Variants in LDB3 observed in about 807,000 individuals in gnomAD.
LDB3 encodes LIM domain binding 3.
A neutral mutation model predicts 69.0 loss-of-function variants in LDB3; 49 were observed. That is an observed-to-expected ratio of 0.71 (90% confidence interval 0.56 to 0.90). The LOEUF is 0.90. Among genes scored for constraint, LDB3 ranks in the 40% least tolerant of loss-of-function variants. LDB3 has a pLI of 0.00. For missense variants in LDB3, 928 were observed against 974.1 expected (o/e 0.95, Z 0.63); for synonymous variants, 387 against 396.2 (o/e 0.98, Z 0.28).
chr10:86,714,118 A>G (rs1043195198), intron 9 of LDB3, among the ~76,000 whole-genome samples: 6 of 152,174 alleles, frequency 3.9e-5, no homozygotes, highest in Non-Finnish European at 7.4e-5. Flanking sequence ...ACCTTCCCTT[A>G]ATCCTCATAA....
chr10:86,709,820 G>T, intron 8 of LDB3, 85 bp from the exon 9 acceptor site: 1 of 1,493,156 alleles, frequency 6.7e-7, no homozygotes, highest in South Asian at 1.1e-5. Flanking sequence ...AGAGGCTTCT[G>T]AAGACCTGGG....
At chr10:86,695,701 C>G (rs754554076) in intron 7 of LDB3, among the ~76,000 whole-genome samples, 1 of 152,228 alleles carries the variant, frequency 6.6e-6, no homozygotes, top group African/African-American at 2.4e-5. Context: ...CCTCTAATCT[C>G]AGAGTCATCG....
intron 9 of LDB3, chr10:86,710,361 A>G (rs989998315): frequency 5.5e-5 from 36 of 656,216 alleles, no homozygotes; most frequent in Non-Finnish European, 6.8e-5. Context: ...AGGCTGGGGC[A>G]GGAGGATCGC....
rs748760391 is a variant in LDB3 at position 86,716,609 on chromosome 10, G to C, written c.1514G>C (p.Ser505Thr). 1 of 1,613,896 alleles carries C rather than the reference G, an allele frequency of 6.2e-7. No individual in the cohort carries two copies. ...TCCCAGAAGTTTGCCCCGGGCAAGA[G>C]CACCACCTCCATCAGCAAGCAGACC... ...SFSQKFAPGK[S>T]TTSISKQTLP... The change falls in exon 10 of 14, where the codon AGC (serine) becomes ACC (threonine). Residue 505 changes from serine to threonine, a missense_variant. Coordinates refer to ENST00000361373, the MANE Select transcript of LDB3 (RefSeq NM_007078.3).
intron 7 of LDB3, among the ~76,000 whole-genome samples, chr10:86,692,906 GCCAACTTGC>G (rs1845834285): frequency 6.6e-6 from 1 of 152,188 alleles, no homozygotes; most frequent in African/African-American, 2.4e-5. Flanking sequence ...CACCCGGCTG[GCCAACTTGC>G]CCACCCACTC....
chr10:86,716,105 G>A lies in LDB3; in HGVS notation c.1232-222G>A, dbSNP rs570544255. On this transcript the variant is annotated intron_variant, in intron 9 of 13. Coordinates refer to ENST00000361373, the MANE Select transcript of LDB3 (RefSeq NM_007078.3). ...ATAGCCATGTCCCTTTTCCAGCCCT[G>A]TCGAGGGTTCTGCTGTGCTTGCTCC... 2.0e-5 allele frequency among the ~76,000 whole-genome samples: 3 copies of A among 152,060 alleles called. No individual in the cohort carries two copies. In the South Asian group the frequency reaches 6.2e-4, roughly 32 times the overall value.
At position 86,685,530 on chromosome 10, in the gene LDB3, C is replaced by T. The variant is rs1589631426; in HGVS notation, c.689+3727C>T. On this transcript the variant is annotated intron_variant, in intron 5 of 13. Transcript: ENST00000361373. ...TGTGATTCCCGGCTCTGAGTTCTCCCTCCTCACTCCTTGCTCTCCTCACCC... is the reference window on the plus strand; with the variant it reads ...TGTGATTCCCGGCTCTGAGTTCTCCTTCCTCACTCCTTGCTCTCCTCACCC... The T allele has an allele frequency of 7.5e-6, 6 of 798,616 alleles. No individual in the cohort carries two copies. In the East Asian group the frequency reaches 1.2e-4, roughly 16 times the overall value. 49.5% of individuals were successfully genotyped at this position (798,616 alleles called of 1,614,324 possible).
intron 2 of LDB3, among the ~76,000 whole-genome samples, chr10:86,675,982 T>C (rs1482302969): frequency 6.6e-6 from 1 of 152,222 alleles, no homozygotes; most frequent in East Asian, 1.9e-4. Flanking sequence ...TTCACTGATG[T>C]TGGTTTTTAC....
chr10:86,715,394 C>T (rs1274924617), intron 9 of LDB3, among the ~76,000 whole-genome samples: 1 of 151,956 alleles, frequency 6.6e-6, no homozygotes, highest in Non-Finnish European at 1.5e-5. Flanking sequence ...GCTGGGTCTG[C>T]CCTGGCTAGG....
In LDB3 at chr10:86,673,142, G is replaced by T. The variant is rs150471464; in HGVS notation, c.93+4358G>T. Among the ~76,000 whole-genome samples the T allele has an allele frequency of 6.6e-4, 100 of 152,350 alleles. No individual in the cohort carries two copies. In the East Asian group the frequency reaches 0.018, roughly 27 times the overall value. Reference sequence around the variant, plus strand: ...TGGACACAAGAATGGGCCTTGCTGGGGGCCCTTGAGAGCCAGTGCCCATGA... The same window carrying T: ...TGGACACAAGAATGGGCCTTGCTGGTGGCCCTTGAGAGCCAGTGCCCATGA... On this transcript the variant is annotated intron_variant, in intron 2 of 13. Coordinates refer to ENST00000361373, the MANE Select transcript of LDB3 (RefSeq NM_007078.3).
chr10:86,688,184 C>G (rs2675690), intron 5 of LDB3, among the ~76,000 whole-genome samples: 152,134 of 152,248 alleles, frequency 1, 76,010 homozygotes, highest in Middle Eastern at 1. Flanking sequence ...TTATCAGTCT[C>G]GGCAACATCT....
intron 2 of LDB3, among the ~76,000 whole-genome samples, chr10:86,678,247 C>T (rs977281584): frequency 3.3e-5 from 5 of 151,990 alleles, no homozygotes; most frequent in African/African-American, 9.7e-5. Flanking sequence ...GACGGGGTTT[C>T]ACCATGTTGG....
At position 86,668,650 on chromosome 10, in the gene LDB3, C is replaced by G; in HGVS notation, c.-23-19C>G. The G allele has an allele frequency of 6.6e-7, 1 of 1,521,766 alleles. No individual in the cohort carries two copies. Among genetic ancestry groups the G allele is most frequent in the South Asian group, 1.1e-5 (1 of 89,366 alleles). The allele number at this position is 1,521,766 out of a possible 1,614,324, so 94.3% of individuals were successfully genotyped here. A position where few individuals can be genotyped will look rare whatever the true frequency, so the allele number is the denominator to read the frequency against. ...CCTGAGTGCCCTCTCACTCAACCCT[C>G]TCTACCCTTTGTCTGCAGAGGCGGC... On this transcript the variant is annotated intron_variant, in intron 1 of 13. Coordinates refer to ENST00000361373, the MANE Select transcript of LDB3 (RefSeq NM_007078.3).
At chr10:86,727,827 G>T (rs1040812352) in intron 13 of LDB3, among the ~76,000 whole-genome samples, 2 of 148,478 alleles carry the variant, frequency 1.3e-5, no homozygotes, top group African/African-American at 2.4e-5. Context: ...CTCTGTGTGG[G>T]TCTCCTTTTT....
Position 86,721,301 on chromosome 10 carries a change from GT to G in LDB3, c.1978+2455del, listed in dbSNP as rs1847078712. Among the ~76,000 whole-genome samples, 3 of 152,230 alleles carry G rather than the reference GT, an allele frequency of 2.0e-5. No individual in the cohort carries two copies. In the South Asian group the frequency reaches 6.2e-4, roughly 32 times the overall value. ...GTATGAGGTGAAACTTCATTTTTAC[GT>G]CTCGTCATTTTAATCAACAATTTGG... On this transcript the variant is annotated intron_variant, in intron 12 of 13. Coordinates refer to ENST00000361373, the MANE Select transcript of LDB3 (RefSeq NM_007078.3).
intron 5 of LDB3, among the ~76,000 whole-genome samples, chr10:86,687,968 T>C (rs1337061236): frequency 1.3e-5 from 2 of 152,150 alleles, no homozygotes; most frequent in Non-Finnish European, 2.9e-5. Context: ...TCTCTGCGTG[T>C]CTCTGTGTCT....
At chr10:86,675,274 G>A (rs1161736430) in intron 2 of LDB3, among the ~76,000 whole-genome samples, 6 of 152,264 alleles carry the variant, frequency 3.9e-5, no homozygotes, top group Non-Finnish European at 7.3e-5. Context: ...GCTGGTGCCC[G>A]CTGACCCATG....
intron 12 of LDB3, among the ~76,000 whole-genome samples, chr10:86,723,913 G>A (rs868709582): frequency 5.3e-5 from 8 of 152,236 alleles, no homozygotes; most frequent in South Asian, 4.1e-4. Context: ...TGGAGACAGC[G>A]TAAAGCCATA....
intron 7 of LDB3, among the ~76,000 whole-genome samples, chr10:86,702,652 G>A (rs148338150): frequency 2.7e-3 from 416 of 152,346 alleles, no homozygotes; most frequent in African/African-American, 9.5e-3. Flanking sequence ...AGGATGGGGT[G>A]ATCTCACCAG....
Sources: allele counts gnomAD v4.1 joint callset (sites outside exome capture counted in the v4.1 genomes callset), GRCh38; gene constraint gnomAD v4.1.1; transcripts MANE v1.5; gene names NCBI Gene and HGNC (gene_info 2026-07-23, HGNC 2026-07-21).